ZZEF1: variants seen among roughly 807,000 people sequenced by gnomAD.
ZZEF1 encodes zinc finger ZZ-type and EF-hand domain containing 1, also known as zinc finger ZZ-type and EF-hand domain-containing protein 1.
Under a neutral mutation model 342.8 loss-of-function variants are expected in ZZEF1, and 157 were observed. The observed-to-expected ratio is 0.46, with a 90% CI of 0.40 to 0.52. ZZEF1 has a LOEUF of 0.52. Ranked by LOEUF, ZZEF1 falls within the 20% of genes least tolerant of loss-of-function variation. ZZEF1 has a pLI of 0.00. For missense variants in ZZEF1, 3,480 were observed against 3,725.6 expected (o/e 0.93, Z 1.72); for synonymous variants, 1,505 against 1,429.1 (o/e 1.05, Z -1.20).
intron 11 of ZZEF1, among the ~76,000 whole-genome samples, chr17:4,091,313 C>T (rs2057938429): frequency 6.6e-6 from 1 of 152,180 alleles, no homozygotes; most frequent in Non-Finnish European, 1.5e-5. Flanking sequence ...TCCAAAAAAA[C>T]AAAAACCCCA....
intron 1 of ZZEF1, among the ~76,000 whole-genome samples, chr17:4,132,577 A>G (rs1008826156): frequency 7.2e-5 from 11 of 151,886 alleles, no homozygotes; most frequent in Admixed American, 6.6e-5. Flanking sequence ...AGGCGCCTGT[A>G]ATCCCAGCAC....
intron 37 of ZZEF1, among the ~76,000 whole-genome samples, chr17:4,046,154 T>C (rs1309506946): frequency 1.3e-5 from 2 of 152,164 alleles, no homozygotes; most frequent in Admixed American, 6.5e-5. Context: ...AGAATAAACA[T>C]ACCTTTGATG....
intron 21 of ZZEF1, chr17:4,075,932 G>A (rs1313440830): frequency 6.6e-6 from 1 of 152,604 alleles, no homozygotes; most frequent in Non-Finnish European, 1.5e-5. Context: ...ACAAGAAGAA[G>A]CTCACACAAG....
intron 52 of ZZEF1, among the ~76,000 whole-genome samples, chr17:4,010,742 G>GA (rs900559915): frequency 8.7e-5 from 5 of 57,376 alleles, no homozygotes; most frequent in Admixed American, 1.7e-4. Flanking sequence ...AAAAGAAAAA[G>GA]AAAAAAGAAA....
At chr17:4,116,439 T>C (rs983089170) in intron 3 of ZZEF1, among the ~76,000 whole-genome samples, 5 of 152,266 alleles carry the variant, frequency 3.3e-5, no homozygotes, top group Non-Finnish European at 2.9e-5. Context: ...TGTTCTCACA[T>C]GTATATCGGC....
intron 49 of ZZEF1, among the ~76,000 whole-genome samples, chr17:4,015,148 T>C (rs565422560): frequency 2.0e-5 from 3 of 152,054 alleles, no homozygotes; most frequent in Non-Finnish European, 2.9e-5. Context: ...AATCAGAAAG[T>C]AGCAGCAAAA....
chr17:4,070,576 A>G (rs1287508790), intron 26 of ZZEF1, 108 bp downstream of exon 26: 2 of 1,283,652 alleles, frequency 1.6e-6, no homozygotes, highest in African/African-American at 1.5e-5. Flanking sequence ...TTACAGTTAT[A>G]GAAATGTGTT....
intron 1 of ZZEF1, among the ~76,000 whole-genome samples, chr17:4,138,162 G>A (rs2058785160): frequency 6.6e-6 from 1 of 152,206 alleles, no homozygotes; most frequent in Non-Finnish European, 1.5e-5. Context: ...GTAGTGGAGA[G>A]CTGAGGGCTC....
In ZZEF1 at chr17:4,017,775, G is replaced by C. The variant is rs1226393610; in HGVS notation, c.7642-45C>G. On this transcript the variant is annotated intron_variant, in intron 47 of 54. Coordinates refer to ENST00000381638, the MANE Select transcript of ZZEF1 (RefSeq NM_015113.4). This position sits in a 1 kb window ranked among gnomAD's most constrained non-coding sequence, Gnocchi z 5.1. ...ATTACAGAGGTCTAGCCTTCTTACA[G>C]TGGTGGTATGGGGTGGGGGATGGGG... The C allele has an allele frequency of 1.9e-6, 3 of 1,613,272 alleles. No homozygotes were observed. The highest frequency in any genetic ancestry group is 2.7e-5 in the African/African-American group (2 of 74,942).
Position 4,139,676 on chromosome 17 carries a change from A to C in ZZEF1, c.354+2866T>G, listed in dbSNP as rs573606652. ...CTAACTTACTAGTTCTTACAGACAG[A>C]GCAGCCATCACAAGATTATCATGAG... On this transcript the variant is annotated intron_variant, in intron 1 of 54. Transcript: ENST00000381638. Among the ~76,000 whole-genome samples the C allele has an allele frequency of 5.9e-4, 90 of 152,236 alleles. 1 individual carries two copies. The highest frequency in any genetic ancestry group is 1.0e-3 in the Non-Finnish European group (68 of 68,042).
intron 8 of ZZEF1, among the ~76,000 whole-genome samples, chr17:4,102,701 A>G (rs2058147017): frequency 2.0e-5 from 3 of 152,220 alleles, no homozygotes; most frequent in Non-Finnish European, 4.4e-5. Context: ...TAGGTTGATA[A>G]CATAGATTGA....
chr17:4,120,044 G>C (rs761735409), intron 2 of ZZEF1, among the ~76,000 whole-genome samples: 5 of 152,100 alleles, frequency 3.3e-5, no homozygotes, highest in Non-Finnish European at 5.9e-5. Flanking sequence ...ACCAACTAAA[G>C]GAATCCATCC....
intron 9 of ZZEF1, 126 bp downstream of exon 9, chr17:4,102,191 G>A: frequency 5.2e-6 from 4 of 776,296 alleles, no homozygotes; most frequent in Non-Finnish European, 8.5e-6. Flanking sequence ...AGCAACCACT[G>A]CCAACTGAGA....
At chr17:4,107,194 A>G (rs1447141915) in intron 6 of ZZEF1, among the ~76,000 whole-genome samples, 2 of 152,236 alleles carry the variant, frequency 1.3e-5, no homozygotes, top group Non-Finnish European at 2.9e-5. Flanking sequence ...GATTTAGATC[A>G]CTAATCTTAA....
Position 4,096,705 on chromosome 17 carries a change from A to G in ZZEF1, c.1673-5T>C. On this transcript the variant is annotated splice_polypyrimidine_tract_variant and splice_region_variant and intron_variant, in intron 9 of 54. Transcript: ENST00000381638. ...TTCCAGTTTCCGTAAGAAAACCTGA[A>G]AAAAGGGAAAACTCAAGTTAGGGAA... 6.2e-7 allele frequency: 1 copy of G among 1,613,592 alleles called. No individual in the cohort carries two copies. The highest frequency in any genetic ancestry group is 8.5e-7 in the Non-Finnish European group (1 of 1,179,714).
At chr17:4,074,457 T>G in intron 23 of ZZEF1, 106 bp from the exon 24 acceptor site, 20 of 1,169,676 alleles carry the variant, frequency 1.7e-5, no homozygotes, top group Non-Finnish European at 2.5e-5. Context: ...AATTGATCTC[T>G]ATTTCCACAT....
At chr17:4,077,488 G>A (rs559517763) in intron 19 of ZZEF1, among the ~76,000 whole-genome samples, 8 of 151,954 alleles carry the variant, frequency 5.3e-5, no homozygotes, top group Non-Finnish European at 1.0e-4. Flanking sequence ...AATTATTCTC[G>A]GTAATCAGCA....
intron 46 of ZZEF1, among the ~76,000 whole-genome samples, chr17:4,018,860 C>T (rs1234339045): frequency 6.6e-6 from 1 of 151,912 alleles, no homozygotes; most frequent in Non-Finnish European, 1.5e-5. Context: ...CCTCTTTCCT[C>T]TGGGCTAGAA....
intron 39 of ZZEF1, among the ~76,000 whole-genome samples, chr17:4,036,024 G>A (rs541938878): frequency 6.6e-5 from 10 of 151,070 alleles, no homozygotes; most frequent in South Asian, 2.1e-4. Flanking sequence ...CGCTTGAACC[G>A]GGGAGGCAGA....
Sources: allele counts gnomAD v4.1 joint callset (sites outside exome capture counted in the v4.1 genomes callset), GRCh38; gene constraint gnomAD v4.1.1; non-coding constraint Gnocchi (gnomAD v3.1); transcripts MANE v1.5; gene names NCBI Gene and HGNC (gene_info 2026-07-23, HGNC 2026-07-21).